The following SMIM36 variants were observed in gnomAD, a reference collection of about 807,000 sequenced individuals.
SMIM36 encodes small integral membrane protein 36.
intron 1 of SMIM36, among the ~76,000 whole-genome samples, chr17:55,488,920 AT>A (rs1334860966): frequency 6.6e-6 from 1 of 151,906 alleles, no homozygotes; most frequent in East Asian, 1.9e-4. Context: ...CATCATCATC[AT>A]CATCATCATT....
chr17:55,510,989 G>C (rs768016398), exon 1 of SMIM36: 2 of 397,648 alleles, frequency 5.0e-6, no homozygotes, highest in South Asian at 1.4e-4. Context: ...TTGGAGCCAC[G>C]ATAGGGAGCA....
the SMIM36 span, among the ~76,000 whole-genome samples, chr17:55,523,109 G>C: frequency 6.6e-6 from 1 of 152,144 alleles, no homozygotes; most frequent in Non-Finnish European, 1.5e-5. Flanking sequence ...ACCTCAGAAT[G>C]TGACTGTATT....
At chr17:55,497,020 G>C (rs1909820431) in intron 1 of SMIM36, among the ~76,000 whole-genome samples, 1 of 152,104 alleles carries the variant, frequency 6.6e-6, no homozygotes, top group Admixed American at 6.6e-5. Context: ...AGTGTATATG[G>C]GGTATCGGAA....
rs992237984 is a variant in SMIM36, at chr17:55,467,639, G to C, written c.*348-311C>G. ...TCTCGATCTCCTGACCTCGTGATCCGCCTGCCACGGCCTCCCAAAGTGCAG... is the reference window on the plus strand; with the variant it reads ...TCTCGATCTCCTGACCTCGTGATCCCCCTGCCACGGCCTCCCAAAGTGCAG... On this transcript the variant is annotated intron_variant, in intron 3 of 4. Coordinates refer to ENST00000636752, the Ensembl canonical transcript of SMIM36. Among the ~76,000 whole-genome samples, 10 of 152,168 alleles carry C rather than the reference G, an allele frequency of 6.6e-5. No individual in the cohort carries two copies. In the South Asian group the frequency reaches 2.1e-3, roughly 32 times the overall value.
exon 1 of SMIM36, chr17:55,510,902 A>C (rs1371808354): frequency 2.6e-6 from 1 of 391,328 alleles, no homozygotes; most frequent in Non-Finnish European, 4.5e-6. Context: ...TTTTGTCACA[A>C]AGAAGGTGAC....
chr17:55,463,199 A>G (rs1367633876), intron 4 of SMIM36, among the ~76,000 whole-genome samples: 1 of 152,076 alleles, frequency 6.6e-6, no homozygotes, highest in African/African-American at 2.4e-5. Flanking sequence ...TTTTTCCTAT[A>G]CATAATGTCT....
chr17:55,451,844 C>G (rs906662624), intron 4 of SMIM36, among the ~76,000 whole-genome samples: 3 of 152,018 alleles, frequency 2.0e-5, no homozygotes, highest in African/African-American at 7.2e-5. Context: ...TGCCTGTAAT[C>G]CTAGCATTTT....
intron 1 of SMIM36, among the ~76,000 whole-genome samples, chr17:55,492,123 C>CA (rs1250095368): frequency 6.7e-6 from 1 of 149,758 alleles, no homozygotes; most frequent in African/African-American, 2.5e-5. Context: ...GCTGTCACTG[C>CA]ACTCCAGCCT....
intron 1 of SMIM36, among the ~76,000 whole-genome samples, chr17:55,501,317 A>G (rs551100054): frequency 0.021 from 1,683 of 80,774 alleles, 220 homozygotes; most frequent in African/African-American, 0.082. Context: ...GTTATATATT[A>G]TATTTTATAA....
At chr17:55,468,396 T>C (rs1386982054) in intron 3 of SMIM36, 1 of 152,842 alleles carries the variant, frequency 6.5e-6, no homozygotes, top group Non-Finnish European at 1.5e-5. Context: ...AGTTCTTTTT[T>C]CCTCTCTAGT....
At position 55,498,734 on chromosome 17, in the gene SMIM36, C is replaced by T. The variant is rs148492982; in HGVS notation, c.*174+12145G>A. 7.4e-3 allele frequency among the ~76,000 whole-genome samples: 1,118 copies of T among 152,084 alleles called. 9 individuals carry two copies. Among genetic ancestry groups the T allele is most frequent in the Middle Eastern group, 0.02 (6 of 294 alleles). On this transcript the variant is annotated intron_variant, in intron 1 of 4. Transcript: ENST00000636752. ...GTTAAACAGGTCGGGCGTGGTGGCTCACACCTGTAATCCCAGCACTCTGGG... is the reference window on the plus strand; with the variant it reads ...GTTAAACAGGTCGGGCGTGGTGGCTTACACCTGTAATCCCAGCACTCTGGG...
chr17:55,485,285 A>AT (rs1909585028), intron 1 of SMIM36, among the ~76,000 whole-genome samples: 1 of 151,634 alleles, frequency 6.6e-6, no homozygotes, highest in Admixed American at 6.6e-5. Flanking sequence ...GAAAAGAAAC[A>AT]TTTTCTCTCT....
chr17:55,522,498 C>T, the SMIM36 span, among the ~76,000 whole-genome samples: 1 of 152,212 alleles, frequency 6.6e-6, no homozygotes, highest in Non-Finnish European at 1.5e-5. Context: ...AAATTCACAT[C>T]TTACATATAG....
chr17:55,500,438 G>A (rs146302978), intron 1 of SMIM36, among the ~76,000 whole-genome samples: 65 of 151,960 alleles, frequency 4.3e-4, no homozygotes, highest in African/African-American at 1.5e-3. Context: ...AAAATTCTTA[G>A]TTCTAGTTCT....
chr17:55,516,212 A>T (rs1426674571), upstream of SMIM36, among the ~76,000 whole-genome samples: 1 of 152,252 alleles, frequency 6.6e-6, no homozygotes, highest in African/African-American at 2.4e-5. Context: ...GTAGCTAGGG[A>T]TAATATTTTT....
chr17:55,478,475 C>G (rs756171362), intron 3 of SMIM36, among the ~76,000 whole-genome samples: 39 of 152,166 alleles, frequency 2.6e-4, no homozygotes, highest in East Asian at 3.9e-4. Context: ...AGTGATCTGC[C>G]CGCCTTGACT....
chr17:55,476,880 T>C (rs1395389946), intron 3 of SMIM36, among the ~76,000 whole-genome samples: 1 of 152,224 alleles, frequency 6.6e-6, no homozygotes, highest in East Asian at 1.9e-4. Flanking sequence ...ATGATCACTA[T>C]TTTTTAGGAT....
At chr17:55,462,550 G>A (rs148401345) in intron 4 of SMIM36, among the ~76,000 whole-genome samples, 64 of 152,292 alleles carry the variant, frequency 4.2e-4, no homozygotes, top group Middle Eastern at 3.4e-3. Flanking sequence ...AAGTTGCAGT[G>A]AGCTATGACA....
intron 4 of SMIM36, among the ~76,000 whole-genome samples, chr17:55,462,270 A>C (rs1408098262): frequency 6.6e-6 from 1 of 152,200 alleles, no homozygotes; most frequent in Non-Finnish European, 1.5e-5. Context: ...GCATTAAGTT[A>C]ATTAACCTCT....
Sources: allele counts gnomAD v4.1 joint callset (sites outside exome capture counted in the v4.1 genomes callset), GRCh38; gene constraint gnomAD v4.1.1; transcripts MANE v1.5; gene names NCBI Gene and HGNC (gene_info 2026-07-23, HGNC 2026-07-21).